CTXND1: variants seen among roughly 807,000 people sequenced by gnomAD.
CTXND1 encodes the protein cortexin domain-containing 1 protein.
At chr15:80,246,973 C>T (rs1893638534) in intron 1 of CTXND1, among the ~76,000 whole-genome samples, 1 of 152,178 alleles carries the variant, frequency 6.6e-6, no homozygotes, top group South Asian at 2.1e-4. Context: ...AAGCACGGTG[C>T]TGGTTAATTT....
At chr15:80,250,394 T>C (rs1005240779) in intron 1 of CTXND1, among the ~76,000 whole-genome samples, 3 of 152,200 alleles carry the variant, frequency 2.0e-5, no homozygotes, top group African/African-American at 7.2e-5. Flanking sequence ...TATTCTGCCA[T>C]AACTTTATTT....
intron 1 of CTXND1, among the ~76,000 whole-genome samples, chr15:80,208,455 C>T (rs1893173171): frequency 1.3e-5 from 2 of 152,190 alleles, no homozygotes; most frequent in African/African-American, 4.8e-5. Flanking sequence ...AGACCTGATC[C>T]TGCTTTAATT....
intron 1 of CTXND1, among the ~76,000 whole-genome samples, chr15:80,221,188 C>A (rs892154830): frequency 6.6e-6 from 1 of 152,098 alleles, no homozygotes; most frequent in Non-Finnish European, 1.5e-5. Flanking sequence ...GGATTACAGG[C>A]GTGAGCCACC....
At chr15:80,244,314 T>C (rs1290244187) in intron 1 of CTXND1, among the ~76,000 whole-genome samples, 1 of 152,226 alleles carries the variant, frequency 6.6e-6, no homozygotes, top group Non-Finnish European at 1.5e-5. Context: ...CAGTGAGGGA[T>C]ATGCTGTCAA....
chr15:80,210,596 T>A (rs59500591), intron 1 of CTXND1, among the ~76,000 whole-genome samples: 2,575 of 152,294 alleles, frequency 0.017, 88 homozygotes, highest in African/African-American at 0.058. Context: ...AGCTTTGTTA[T>A]CTGTTTGGAG....
intron 1 of CTXND1, among the ~76,000 whole-genome samples, chr15:80,244,846 G>A (rs1893610278): frequency 6.6e-6 from 1 of 152,068 alleles, no homozygotes; most frequent in Non-Finnish European, 1.5e-5. Flanking sequence ...GCACTATCAG[G>A]TACACAATCT....
intron 1 of CTXND1, among the ~76,000 whole-genome samples, chr15:80,249,897 C>T (rs1467010951): frequency 2.0e-5 from 3 of 152,174 alleles, no homozygotes; most frequent in South Asian, 2.1e-4. Context: ...AGACACGGAC[C>T]GGTTCCAGAG....
At chr15:80,214,205 C>T (rs1321144204) in intron 1 of CTXND1, among the ~76,000 whole-genome samples, 3 of 151,718 alleles carry the variant, frequency 2.0e-5, no homozygotes, top group Non-Finnish European at 4.4e-5. Flanking sequence ...TGGATAATGT[C>T]AATAAATATT....
chr15:80,206,571 CTTA>C (rs1158153261), intron 1 of CTXND1, among the ~76,000 whole-genome samples: 1 of 151,958 alleles, frequency 6.6e-6, no homozygotes, highest in African/African-American at 2.4e-5. Flanking sequence ...GATTCTTACT[CTTA>C]TTTTCTCTTC....
At chr15:80,202,241 C>G (rs534935283) in intron 2 of CTXND1, among the ~76,000 whole-genome samples, 1 of 152,156 alleles carries the variant, frequency 6.6e-6, no homozygotes, top group East Asian at 1.9e-4. Context: ...GCAGCCAGTG[C>G]CTCCCCAGAC....
intron 1 of CTXND1, among the ~76,000 whole-genome samples, chr15:80,208,938 C>G (rs1007311325): frequency 6.6e-6 from 1 of 152,186 alleles, no homozygotes; most frequent in African/African-American, 2.4e-5. Context: ...GTTGAATGTG[C>G]GAGGGATTCC....
At chr15:80,228,040 T>C (rs1893391029) in intron 1 of CTXND1, among the ~76,000 whole-genome samples, 1 of 152,252 alleles carries the variant, frequency 6.6e-6, no homozygotes, top group Non-Finnish European at 1.5e-5. Flanking sequence ...AATCCTTGGA[T>C]GTCATTTCAA....
At chr15:80,202,860 A>G (rs959745425) in intron 2 of CTXND1, among the ~76,000 whole-genome samples, 1 of 152,210 alleles carries the variant, frequency 6.6e-6, no homozygotes, top group African/African-American at 2.4e-5. Flanking sequence ...GAAGAGTCCC[A>G]GCTCTGCCAC....
chr15:80,208,766 A>G (rs1036862490), intron 1 of CTXND1, among the ~76,000 whole-genome samples: 18 of 152,132 alleles, frequency 1.2e-4, no homozygotes, highest in Admixed American at 5.2e-4. Context: ...CCTCTATTTC[A>G]TAGATGAAGA....
intron 1 of CTXND1, among the ~76,000 whole-genome samples, chr15:80,237,140 C>A (rs1018837710): frequency 7.2e-5 from 11 of 151,868 alleles, no homozygotes; most frequent in African/African-American, 2.7e-4. Context: ...TAGAGACCAT[C>A]CTGGCTAACA....
intron 1 of CTXND1, among the ~76,000 whole-genome samples, chr15:80,205,215 G>T (rs71397598): frequency 2.0e-5 from 3 of 152,034 alleles, no homozygotes; most frequent in African/African-American, 2.4e-5. Flanking sequence ...GTATTTTGTT[G>T]TACGGATATC....
In CTXND1 at chr15:80,201,609, G is replaced by A. The variant is rs539336453; in HGVS notation, c.*161C>T. On this transcript the variant is annotated 3_prime_UTR_variant, in exon 3 of 3. Coordinates refer to ENST00000560778, the MANE Select transcript of CTXND1 (RefSeq NM_001352888.2). ...ACCCGGGCATTCCACGCTGGTGCTC[G>A]AGGGAGGGCTGAGAGGGCTAAGCTG... 1.5e-4 allele frequency: 60 copies of A among 396,036 alleles called. No homozygotes were observed. The highest frequency in any genetic ancestry group is 1.3e-4 in the Admixed American group (3 of 22,650). The allele number at this position is 396,036 out of a possible 1,614,324, so 24.5% of individuals were successfully genotyped here. A position where few individuals can be genotyped will look rare whatever the true frequency, so the allele number is the denominator to read the frequency against.
Position 80,234,473 on chromosome 15 carries a change from GC to G in CTXND1, c.-218+17533del, listed in dbSNP as rs1200146845. Among the ~76,000 whole-genome samples, 3 of 129,330 alleles carry G rather than the reference GC, an allele frequency of 2.3e-5. No individual in the cohort carries two copies. The East Asian group carries it at 7.2e-4, about 31-fold the overall frequency. 84.8% of individuals were successfully genotyped at this position (129,330 alleles called of 152,430 possible). ...ATGTATTATTCCACAATTTGAACAT[GC>G]CCTTTTTTTTTTTTTTTTTCTGAGA... On this transcript the variant is annotated intron_variant, in intron 1 of 2. Transcript: ENST00000560778.
chr15:80,210,358 C>T (rs751374913), intron 1 of CTXND1, among the ~76,000 whole-genome samples: 1 of 152,178 alleles, frequency 6.6e-6, no homozygotes, highest in Non-Finnish European at 1.5e-5. Flanking sequence ...AAATGTAAGA[C>T]TCTTTCCACC....
Sources: gnomAD v4.1 joint callset for allele counts (sites outside exome capture counted in the v4.1 genomes callset) on GRCh38, gnomAD v4.1.1 for gene constraint, MANE v1.5 for transcripts, NCBI Gene and HGNC (gene_info 2026-07-23, HGNC 2026-07-21) for gene names.